CENPI: variants seen among roughly 807,000 people sequenced by gnomAD.
CENPI encodes centromere protein I.
CENPI carries 4 observed loss-of-function variants against 60.4 expected under a neutral mutation model. That is an observed-to-expected ratio of 0.07 (90% CI 0.03 to 0.15). CENPI has a LOEUF of 0.15. Ranked by LOEUF, CENPI falls within the 10% of genes least tolerant of loss-of-function variation. The pLI is 1.00. For synonymous variants in CENPI, 157 were observed against 189.4 expected, an observed-to-expected ratio of 0.83 and a Z score of 1.40; for missense variants, 444 against 534.5, an observed-to-expected ratio of 0.83 and a Z score of 1.67.
At chrX:101,141,565 C>T (rs1602832735) in intron 16 of CENPI, among the ~76,000 whole-genome samples, 3 of 111,210 alleles carry the variant, frequency 2.7e-5, no homozygotes, top group Non-Finnish European at 3.8e-5. Flanking sequence ...AGGATGGTCT[C>T]GATCTCTTGA....
rs560415615 is a variant in CENPI at position 101,143,594 on chromosome X, G to A, written c.1566-1470G>A. ...AGGCCAGGCTGAAGTGCGATAGCACGATCTTGGCTCATTGCAACCTCCACC... is the reference window on the plus strand; with the variant it reads ...AGGCCAGGCTGAAGTGCGATAGCACAATCTTGGCTCATTGCAACCTCCACC... On this transcript the variant is annotated intron_variant, in intron 16 of 21. Transcript: ENST00000682095. Among the ~76,000 whole-genome samples the A allele has an allele frequency of 2.1e-4, 24 of 112,819 alleles. No homozygotes were observed. In the South Asian group the frequency reaches 7.6e-3, roughly 35 times the overall value.
intron 16 of CENPI, chrX:101,141,325 C>T (rs1257832564): frequency 7.2e-5 from 8 of 111,520 alleles, no homozygotes; most frequent in Middle Eastern, 9.2e-3. Flanking sequence ...TACCTAAAAT[C>T]TTTGCCTTCT....
Position 101,140,778 on chromosome X carries a change from C to T in CENPI, c.1565+18C>T. On this transcript the variant is annotated intron_variant, in intron 16 of 21. Transcript: ENST00000682095. ...AGTCCTCTGTGAGTTATCTAACGGT[C>T]TTCCACAAGAGACGATCTGTATACA... 9.5e-7 allele frequency: 1 copy of T among 1,048,568 alleles called. No individual in the cohort carries two copies. Among genetic ancestry groups the T allele is most frequent in the Middle Eastern group, 2.5e-4 (1 of 3,983 alleles). 86.4% of individuals were successfully genotyped at this position (1,048,568 alleles called of 1,213,427 possible).
rs186120272 is a variant in CENPI, at chrX:101,131,497, G to A, written c.1288-693G>A. On this transcript the variant is annotated intron_variant, in intron 13 of 21. Transcript: ENST00000682095. ...TGTTTCACTTAAGAGATGCCTAATG[G>A]GACATCAAAGCGGTCATATCCAGTA... 2.7e-5 allele frequency among the ~76,000 whole-genome samples: 3 copies of A among 111,705 alleles called. No individual in the cohort carries two copies. In the East Asian group the frequency reaches 8.4e-4, roughly 31 times the overall value.
intron 15 of CENPI, among the ~76,000 whole-genome samples, chrX:101,135,996 T>C (rs1318552984): frequency 8.9e-6 from 1 of 112,654 alleles, no homozygotes; most frequent in Non-Finnish European, 1.9e-5. Flanking sequence ...GTGCTGGGAT[T>C]ATAGGCATGA....
intron 12 of CENPI, 149 bp downstream of exon 12, chrX:101,128,985 T>C (rs1377098578): frequency 2.0e-6 from 1 of 510,076 alleles, no homozygotes; most frequent in Admixed American, 3.4e-5. Context: ...TGTTGTAATT[T>C]TAAGGCAGTA....
At chrX:101,175,411 G>C in the CENPI span, among the ~76,000 whole-genome samples, 1 of 112,112 alleles carries the variant, frequency 8.9e-6, no homozygotes, top group Non-Finnish European at 1.9e-5. Context: ...CAGTTGCAGG[G>C]AAAGCTAAAG....
At chrX:101,172,224 C>A in the CENPI span, among the ~76,000 whole-genome samples, 1 of 111,457 alleles carries the variant, frequency 9.0e-6, no homozygotes, top group Admixed American at 9.6e-5. Flanking sequence ...AATATTGCAG[C>A]CAGTTTGGAA....
At chrX:101,152,759 A>G (rs2090019334) in intron 20 of CENPI, among the ~76,000 whole-genome samples, 1 of 108,675 alleles carries the variant, frequency 9.2e-6, no homozygotes, top group African/African-American at 3.3e-5. Context: ...GGCATGTATC[A>G]GTACTTTATT....
At chrX:101,168,062 TC>T (rs1468672482), downstream of CENPI, among the ~76,000 whole-genome samples, 1 of 112,180 alleles carries the variant, frequency 8.9e-6, no homozygotes, top group Admixed American at 9.5e-5. Context: ...AAAAGGGAGA[TC>T]AGAGAAAGAG....
intron 8 of CENPI, among the ~76,000 whole-genome samples, chrX:101,123,936 A>G (rs931085459): frequency 4.5e-5 from 5 of 111,491 alleles, no homozygotes; most frequent in African/African-American, 1.6e-4. Context: ...CACTAACATG[A>G]TGATTGGAAA....
chrX:101,134,962 C>T (rs1490490325), intron 15 of CENPI, among the ~76,000 whole-genome samples: 6 of 108,869 alleles, frequency 5.5e-5, no homozygotes, highest in African/African-American at 1.0e-4. Flanking sequence ...TGCAGTGAGC[C>T]GAGGTTGCAC....
chrX:101,121,439 C>A (rs1051986290), intron 8 of CENPI, among the ~76,000 whole-genome samples: 2 of 110,032 alleles, frequency 1.8e-5, no homozygotes, highest in Non-Finnish European at 3.8e-5. Flanking sequence ...TACAGGCGCC[C>A]ACCACCATGC....
downstream of CENPI, among the ~76,000 whole-genome samples, chrX:101,169,563 C>T (rs947146879): frequency 1.8e-5 from 2 of 112,091 alleles, no homozygotes; most frequent in East Asian, 2.8e-4. Flanking sequence ...TGAGAATAAA[C>T]GACTGTGTCA....
intron 2 of CENPI, among the ~76,000 whole-genome samples, chrX:101,099,391 G>A (rs1040281784): frequency 2.9e-5 from 3 of 104,603 alleles, no homozygotes; most frequent in African/African-American, 1.1e-4. Context: ...TAGAGATTGC[G>A]CCACTGCAGT....
intron 16 of CENPI, among the ~76,000 whole-genome samples, chrX:101,143,180 G>A (rs1366084770): frequency 9.1e-6 from 1 of 110,263 alleles, no homozygotes; most frequent in Non-Finnish European, 1.9e-5. Context: ...TGGCACTGAA[G>A]TATCATGGTG....
chrX:101,146,790 A>G (rs757303089), intron 18 of CENPI, among the ~76,000 whole-genome samples: 60 of 111,089 alleles, frequency 5.4e-4, no homozygotes, highest in African/African-American at 1.9e-3. Context: ...CCTGGAGTGC[A>G]GTGACATGAT....
At chrX:101,100,980 G>T in intron 2 of CENPI, 78 bp from the exon 3 acceptor site, 1 of 648,242 alleles carries the variant, frequency 1.5e-6, no homozygotes. Flanking sequence ...ACTAAATACT[G>T]GAAACACACC....
chrX:101,140,348 G>A lies in CENPI; in HGVS notation c.1471-318G>A, dbSNP rs770463118. Reference sequence around the variant, plus strand: ...GCAACTTCAAAAGTTCTCTGAGGGGGGATGATAAAGATGCTGTTTTTATTT... The same window carrying A: ...GCAACTTCAAAAGTTCTCTGAGGGGAGATGATAAAGATGCTGTTTTTATTT... On this transcript the variant is annotated intron_variant, in intron 15 of 21. Transcript: ENST00000682095. Among the ~76,000 whole-genome samples the A allele has an allele frequency of 5.4e-5, 6 of 112,141 alleles. No individual in the cohort carries two copies. The East Asian group carries it at 1.7e-3, about 31-fold the overall frequency.
Sources: gnomAD v4.1 joint callset for allele counts (sites outside exome capture counted in the v4.1 genomes callset) on GRCh38, gnomAD v4.1.1 for gene constraint, MANE v1.5 for transcripts, NCBI Gene and HGNC (gene_info 2026-07-23, HGNC 2026-07-21) for gene names.